The following ZNF2 variants were observed in gnomAD, a reference collection of about 807,000 sequenced individuals.
The protein encoded by ZNF2 is zinc finger protein 2, also known as zinc finger protein 2.2.
ZNF2 carries 12 observed loss-of-function variants against 21.9 expected under a neutral mutation model. That is an observed-to-expected ratio of 0.55 (90% CI 0.35 to 0.89). The LOEUF (loss-of-function observed/expected upper bound fraction) is 0.89. Among genes scored for constraint, ZNF2 ranks in the 40% least tolerant of loss-of-function variants. The pLI is 0.01. For synonymous variants in ZNF2, 186 were observed against 196.3 expected (o/e 0.95, Z 0.44); for missense variants, 462 against 544.2 (o/e 0.85, Z 1.50).
intron 1 of ZNF2, among the ~76,000 whole-genome samples, chr2:95,170,179 A>C (rs1674223145): frequency 6.6e-6 from 1 of 152,202 alleles, no homozygotes; most frequent in Non-Finnish European, 1.5e-5. Context: ...CCAAAAAGGA[A>C]AAGAATACTT....
chr2:95,178,917 A>G (rs1558714862), intron 3 of ZNF2, among the ~76,000 whole-genome samples: 1 of 151,202 alleles, frequency 6.6e-6, no homozygotes, highest in African/African-American at 2.4e-5. Context: ...ATAAAATGGT[A>G]TTTTAAATTT....
intron 1 of ZNF2, among the ~76,000 whole-genome samples, chr2:95,171,661 G>C (rs1186499747): frequency 6.6e-6 from 1 of 152,184 alleles, no homozygotes; most frequent in Non-Finnish European, 1.5e-5. Context: ...GATTACAGGC[G>C]TGAGCCACCG....
Position 95,182,571 on chromosome 2 carries a change from C to T in ZNF2, c.*465C>T, listed in dbSNP as rs1200711403. ...GTCCCAGCTTTTAGACCTCTTACTT[C>T]CACTGCTAGTAGCTAGCACTTACTG... On this transcript the variant is annotated 3_prime_UTR_variant, in exon 5 of 5. Coordinates refer to ENST00000614034, the MANE Select transcript of ZNF2 (RefSeq NM_021088.4). 1 of 158,354 alleles carries T rather than the reference C, an allele frequency of 6.3e-6. No homozygotes were observed. Among genetic ancestry groups the T allele is most frequent in the East Asian group, 1.9e-4 (1 of 5,386 alleles). 9.8% of individuals were successfully genotyped at this position (158,354 alleles called of 1,614,324 possible).
intron 1 of ZNF2, among the ~76,000 whole-genome samples, chr2:95,168,230 T>C (rs1674151768): frequency 6.6e-6 from 1 of 151,830 alleles, no homozygotes; most frequent in South Asian, 2.1e-4. Flanking sequence ...ATTGAAACCA[T>C]CCTGGCCAAA....
rs145390027 is a variant in ZNF2 at position 95,175,412 on chromosome 2, G to A, written c.-39-776G>A. Among the ~76,000 whole-genome samples the A allele has an allele frequency of 4.2e-3, 639 of 152,242 alleles. 11 individuals carry two copies. The highest frequency in any genetic ancestry group is 0.015 in the African/African-American group (610 of 41,530). On this transcript the variant is annotated intron_variant, in intron 1 of 4. Transcript: ENST00000614034. ...AGTGTTTCACCGCTGATGGGACTGC[G>A]CTGGGCTTCCCCCTGCCTGCCTCTG... is the stretch of plus-strand genomic sequence containing the variant.
chr2:95,169,043 A>G (rs1250700932), intron 1 of ZNF2, among the ~76,000 whole-genome samples: 1 of 152,228 alleles, frequency 6.6e-6, no homozygotes, highest in Non-Finnish European at 1.5e-5. Context: ...ATAGGAAAAG[A>G]GAACACAGAA....
intron 1 of ZNF2, among the ~76,000 whole-genome samples, chr2:95,170,639 G>T (rs1674238280): frequency 6.6e-6 from 1 of 152,190 alleles, no homozygotes; most frequent in African/African-American, 2.4e-5. Flanking sequence ...AATATCTATT[G>T]ATCTGGTCTT....
rs1674516456 is a variant in ZNF2, at chr2:95,178,278, C to G, written c.160+669C>G. Among the ~76,000 whole-genome samples the G allele has an allele frequency of 6.6e-5, 10 of 152,076 alleles. No individual in the cohort carries two copies. The South Asian group carries it at 2.1e-3, about 32-fold the overall frequency. Reference sequence around the variant, plus strand: ...GCTTCACGAGAGGCTGAGAGAGTGCCCAGATTGAGAAACCGGCTTAAAATA... The same window carrying G: ...GCTTCACGAGAGGCTGAGAGAGTGCGCAGATTGAGAAACCGGCTTAAAATA... On this transcript the variant is annotated intron_variant, in intron 3 of 4. Transcript: ENST00000614034.
intron 2 of ZNF2, 129 bp from the exon 3 acceptor site, chr2:95,177,354 C>G (rs1263040755): frequency 1.8e-6 from 2 of 1,101,556 alleles, no homozygotes; most frequent in Non-Finnish European, 2.6e-6. Flanking sequence ...CTTTAAAGTT[C>G]TACTCAGTCA....
At chr2:95,180,919 C>G in intron 4 of ZNF2, 184 bp from the exon 5 acceptor site, 1 of 667,128 alleles carries the variant, frequency 1.5e-6, no homozygotes, top group Non-Finnish European at 2.5e-6. Context: ...TGTCCACCAT[C>G]CATTCTGTTC....
intron 1 of ZNF2, among the ~76,000 whole-genome samples, chr2:95,175,514 G>A (rs2104502642): frequency 6.6e-6 from 1 of 152,222 alleles, no homozygotes; most frequent in East Asian, 1.9e-4. Context: ...GGTAACTTTG[G>A]TTCCCCGATC....
chr2:95,171,480 T>C (rs1674268155), intron 1 of ZNF2, among the ~76,000 whole-genome samples: 1 of 152,018 alleles, frequency 6.6e-6, no homozygotes, highest in Non-Finnish European at 1.5e-5. Flanking sequence ...CCTCCCGGGT[T>C]TGAGCGATTC....
rs777286260 is a variant in ZNF2, at chr2:95,181,923, A to G, written c.1095A>G (p.Gly365=). 6.2e-7 allele frequency: 1 copy of G among 1,614,238 alleles called. No homozygotes were observed. Among genetic ancestry groups the G allele is most frequent in the South Asian group, 1.1e-5 (1 of 91,086 alleles). ...SLTQHQKIHT[G]DKPYECSECG... ...CACAGCATCAGAAGATCCACACTGG[A>G]GACAAGCCATATGAATGCAGCGAAT... The change falls in exon 5 of 5, where the codon GGA becomes GGG. Residue 365 remains glycine, a synonymous_variant. Coordinates refer to ENST00000614034, the MANE Select transcript of ZNF2 (RefSeq NM_021088.4).
chr2:95,168,029 T>A (rs1674142602), intron 1 of ZNF2, among the ~76,000 whole-genome samples: 1 of 151,214 alleles, frequency 6.6e-6, no homozygotes, highest in Non-Finnish European at 1.5e-5. Context: ...TAGAAGGAGG[T>A]CATGGGATTC....
chr2:95,180,227 C>A lies in ZNF2; in HGVS notation c.229C>A (p.Leu77Ile). Residue 77 changes from leucine (L) to isoleucine (I), a missense_variant, in exon 4 of 5, where the codon CTT becomes ATT. Leu to Ile is a conservative substitution (Grantham distance 5, BLOSUM62 2). Coordinates refer to ENST00000614034, the MANE Select transcript of ZNF2 (RefSeq NM_021088.4). ...KRGDKPWMVD[L>I]HGSEEREWPE... ...AGGGGACAAGCCGTGGATGGTAGATCTTCATGGGTCTGAGGAGAGAGAATG... is the reference window on the plus strand; with the variant it reads ...AGGGGACAAGCCGTGGATGGTAGATATTCATGGGTCTGAGGAGAGAGAATG... 1 of 1,614,074 alleles carries A rather than the reference C, an allele frequency of 6.2e-7. No individual in the cohort carries two copies. The highest frequency in any genetic ancestry group is 8.5e-7 in the Non-Finnish European group (1 of 1,179,976).
intron 1 of ZNF2, among the ~76,000 whole-genome samples, chr2:95,172,965 A>ATT (rs58424759): frequency 7.2e-6 from 1 of 139,032 alleles, no homozygotes. Context: ...TCAGTTGTTG[A>ATT]TTTTTTTTTT....
intron 3 of ZNF2, among the ~76,000 whole-genome samples, chr2:95,179,391 G>A (rs1467763019): frequency 6.6e-6 from 1 of 152,048 alleles, no homozygotes; most frequent in Non-Finnish European, 1.5e-5. Context: ...TTTTCTTTTT[G>A]CTTGTATACA....
Position 95,181,137 on chromosome 2 carries a change from A to G in ZNF2, c.309A>G (p.Ser103=), listed in dbSNP as rs143872985. The G allele has an allele frequency of 3.4e-4, 553 of 1,614,118 alleles. 4 individuals carry two copies. In the East Asian group the frequency reaches 8.3e-3, roughly 24 times the overall value. The change falls in exon 5 of 5, where the codon TCA becomes TCG. Residue 103 remains serine (S), a synonymous_variant. Transcript: ENST00000614034. ...WETKPEIHDA[S]DKKSEGSLRE... is the part of the protein sequence containing the mutation. ...CTAAGCCTGAGATTCACGATGCTTCAGACAAAAAATCAGAAGGATCATTGA... is the reference window on the plus strand; with the variant it reads ...CTAAGCCTGAGATTCACGATGCTTCGGACAAAAAATCAGAAGGATCATTGA...
rs368337057 is a variant in ZNF2 at position 95,168,125 on chromosome 2, A to G, written c.-40+2265A>G. 7.6e-5 allele frequency among the ~76,000 whole-genome samples: 11 copies of G among 143,826 alleles called. No homozygotes were observed. In the South Asian group the frequency reaches 1.8e-3, roughly 23 times the overall value. 94.4% of individuals were successfully genotyped at this position (143,826 alleles called of 152,430 possible). On this transcript the variant is annotated intron_variant, in intron 1 of 4. Transcript: ENST00000614034. ...CTACTGGGGTGGAAAATGCTGGAAG[A>G]AAAAAAAAAAAAGACTGGGGTCTGG...
Sources: gnomAD v4.1 joint callset for allele counts (sites outside exome capture counted in the v4.1 genomes callset) on GRCh38, gnomAD v4.1.1 for gene constraint, MANE v1.5 for transcripts, NCBI Gene and HGNC (gene_info 2026-07-23, HGNC 2026-07-21) for gene names.